The following EPS8 variants were observed in gnomAD, a reference collection of about 807,000 sequenced individuals.
The protein encoded by EPS8 is epidermal growth factor receptor kinase substrate 8.
EPS8 carries 42 observed loss-of-function variants against 103.8 expected under a neutral mutation model. The observed-to-expected ratio is 0.40, with a 90% CI of 0.32 to 0.52. The LOEUF (loss-of-function observed/expected upper bound fraction) is 0.52, where lower values mean the gene tolerates loss of function less well. Ranked by LOEUF, EPS8 falls within the 20% of genes least tolerant of loss-of-function variation. The probability of loss-of-function intolerance (pLI) is 0.40; values close to 1 mark genes in which losing one functional copy is unlikely to be tolerated. For synonymous variants in EPS8, 344 were observed against 344.6 expected, an observed-to-expected ratio of 1.00 and a Z score of 0.02; for missense variants, 969 against 1,005.1, an observed-to-expected ratio of 0.96 and a Z score of 0.49.
At position 15,693,287 on chromosome 12, in the gene EPS8, G is replaced by T. The variant is rs771168740; in HGVS notation, c.-21-10315C>A. Among the ~76,000 whole-genome samples the T allele has an allele frequency of 3.3e-5, 5 of 152,194 alleles. No individual in the cohort carries two copies. The highest frequency in any genetic ancestry group is 5.9e-5 in the Non-Finnish European group (4 of 68,036). ...TAAGTGGAAGAAGTCAGCCAGGGTT[G>T]TCTTACTGTTTACTAAGCATTTCAT... is the stretch of plus-strand genomic sequence containing the variant. On this transcript the variant is annotated intron_variant, in intron 1 of 20. Transcript: ENST00000281172. The surrounding 1 kb of genome is among the most constrained non-coding windows in gnomAD (Gnocchi z 5.6).
intron 1 of EPS8, among the ~76,000 whole-genome samples, chr12:15,708,966 C>G (rs1306148867): frequency 6.6e-6 from 1 of 152,224 alleles, no homozygotes; most frequent in Non-Finnish European, 1.5e-5. Context: ...GTTTCATCAG[C>G]TTTCCCTGCT....
rs1008509824 is a variant in EPS8, at chr12:15,757,581, G to C, written c.-22+31580C>G. On this transcript the variant is annotated intron_variant, in intron 1 of 20. Transcript: ENST00000281172. This position sits in a 1 kb window ranked among gnomAD's most constrained non-coding sequence, Gnocchi z 4.1. ...GGAGCCAGAAGTTGCAGTGAGTTGAGATCGCGCCACTGCACTCCAGCCTGG... is the reference window on the plus strand; with the variant it reads ...GGAGCCAGAAGTTGCAGTGAGTTGACATCGCGCCACTGCACTCCAGCCTGG... Among the ~76,000 whole-genome samples the C allele has an allele frequency of 6.6e-6, 1 of 151,848 alleles. No individual in the cohort carries two copies. Among genetic ancestry groups the C allele is most frequent in the African/African-American group, 2.4e-5 (1 of 41,302 alleles).
rs2135730507 is a variant in EPS8 at position 15,631,466 on chromosome 12, T to C, written c.2020A>G (p.Arg674Gly). The C allele has an allele frequency of 6.2e-7, 1 of 1,614,078 alleles. No homozygotes were observed. Among genetic ancestry groups the C allele is most frequent in the East Asian group, 2.2e-5 (1 of 44,880 alleles). Residue 674 changes from arginine (R) to glycine (G), a missense_variant, in exon 18 of 21, where the codon AGA becomes GGA. Physicochemically the swap from Arg to Gly is moderately radical, Grantham distance 125. Transcript: ENST00000281172. ...CGGTCCACCGGAAGTTGTTTGTGTCTCTGGCTGTCTCGCACGATACTGCCA... is the reference window on the plus strand; with the variant it reads ...CGGTCCACCGGAAGTTGTTTGTGTCCCTGGCTGTCTCGCACGATACTGCCA... ...SGGSIVRDSQ[R>G]HKQLPVDRRK...
chr12:15,709,982 A>C (rs1340971915), intron 1 of EPS8, among the ~76,000 whole-genome samples: 1 of 152,206 alleles, frequency 6.6e-6, no homozygotes, highest in African/African-American at 2.4e-5. Context: ...CTGATCTGAC[A>C]GGAGGCAGAG....
At position 15,713,109 on chromosome 12, in the gene EPS8, A is replaced by ATT; in HGVS notation, c.-21-30139_-21-30138dup. 4.5e-6 allele frequency: 2 copies of ATT among 447,648 alleles called. No homozygotes were observed. The highest frequency in any genetic ancestry group is 5.9e-6 in the Non-Finnish European group (2 of 339,150). The allele number at this position is 447,648 out of a possible 1,614,324, so 27.7% of individuals were successfully genotyped here. A position where few individuals can be genotyped will look rare whatever the true frequency, so the allele number is the denominator to read the frequency against. ...ACACTTCCAACTCTTGCCTAAGATGATTTTTTTTTTAAGTTTTAAATGGTG... is the reference window on the plus strand; with the variant it reads ...ACACTTCCAACTCTTGCCTAAGATGATTTTTTTTTTTTAAGTTTTAAATGGTG... On this transcript the variant is annotated intron_variant, in intron 1 of 20. Coordinates refer to ENST00000281172, the MANE Select transcript of EPS8 (RefSeq NM_004447.6). The surrounding 1 kb of genome is among the most constrained non-coding windows in gnomAD (Gnocchi z 4.8).
intron 15 of EPS8, among the ~76,000 whole-genome samples, chr12:15,646,081 C>T (rs557394035): frequency 4.9e-4 from 75 of 152,244 alleles, no homozygotes; most frequent in African/African-American, 1.7e-3. Flanking sequence ...TCAACTGTAT[C>T]TACTGAAAAT....
chr12:15,765,392 C>T (rs777087464), intron 1 of EPS8, among the ~76,000 whole-genome samples: 5 of 152,056 alleles, frequency 3.3e-5, no homozygotes, highest in Non-Finnish European at 5.9e-5. Context: ...CTTTTACATG[C>T]TACTCCAACA....
At chr12:15,782,337 A>G (rs866730688) in intron 1 of EPS8, among the ~76,000 whole-genome samples, 1 of 152,040 alleles carries the variant, frequency 6.6e-6, no homozygotes, top group South Asian at 2.1e-4. Flanking sequence ...TGCAAAAAAT[A>G]AAAATAAAAA....
At chr12:15,647,307 G>A (rs1321470921) in intron 14 of EPS8, 47 bp from the exon 15 acceptor site, 2 of 1,555,266 alleles carry the variant, frequency 1.3e-6, no homozygotes, top group Admixed American at 3.6e-5. Context: ...AATACTATTT[G>A]AATCAGCACT....
Position 15,777,578 on chromosome 12 carries a change from A to G in EPS8, c.-22+11583T>C, listed in dbSNP as rs1220177429. Among the ~76,000 whole-genome samples the G allele has an allele frequency of 6.6e-6, 1 of 152,200 alleles. No homozygotes were observed. The highest frequency in any genetic ancestry group is 2.4e-5 in the African/African-American group (1 of 41,444). On this transcript the variant is annotated intron_variant, in intron 1 of 20. Transcript: ENST00000281172. This position sits in a 1 kb window ranked among gnomAD's most constrained non-coding sequence, Gnocchi z 4.7. Reference sequence around the variant, plus strand: ...GCCTAAACTTAACCTTCACTGTCATAACCACTATGAATGTCTCTTTTATTC... The same window carrying G: ...GCCTAAACTTAACCTTCACTGTCATGACCACTATGAATGTCTCTTTTATTC...
At chr12:15,672,959 T>C (rs1002302482) in intron 3 of EPS8, among the ~76,000 whole-genome samples, 3 of 152,318 alleles carry the variant, frequency 2.0e-5, no homozygotes, top group Non-Finnish European at 4.4e-5. Flanking sequence ...AGGTAATTTA[T>C]TGGCAAATAC....
Position 15,784,332 on chromosome 12 carries a change from C to G in EPS8, c.-22+4829G>C, listed in dbSNP as rs1947288799. ...CCCCATTAAAAAGTGGGCAAATGAT[C>G]TGAACAGCCATCACACCACAGAAGA... On this transcript the variant is annotated intron_variant, in intron 1 of 20. Coordinates refer to ENST00000281172, the MANE Select transcript of EPS8 (RefSeq NM_004447.6). The surrounding 1 kb of genome is among the most constrained non-coding windows in gnomAD (Gnocchi z 4.0). Among the ~76,000 whole-genome samples, 2 of 152,112 alleles carry G rather than the reference C, an allele frequency of 1.3e-5. No individual in the cohort carries two copies. Among genetic ancestry groups the G allele is most frequent in the African/African-American group, 4.8e-5 (2 of 41,438 alleles).
rs2135965389 is a variant in EPS8 at position 15,714,501 on chromosome 12, G to A, written c.-21-31529C>T. Among the ~76,000 whole-genome samples the A allele has an allele frequency of 6.6e-6, 1 of 152,170 alleles. No homozygotes were observed. Among genetic ancestry groups the A allele is most frequent in the Admixed American group, 6.5e-5 (1 of 15,294 alleles). On this transcript the variant is annotated intron_variant, in intron 1 of 20. Transcript: ENST00000281172. The surrounding 1 kb of genome is among the most constrained non-coding windows in gnomAD (Gnocchi z 4.1). ...CACAAAAAATTCAGCAATCAGCCAAGCATGGTGGTACACACCAGCAGTCCT... is the reference window on the plus strand; with the variant it reads ...CACAAAAAATTCAGCAATCAGCCAAACATGGTGGTACACACCAGCAGTCCT...
In EPS8 at chr12:15,752,364, G is replaced by A. The variant is rs796814980; in HGVS notation, c.-22+36797C>T. On this transcript the variant is annotated intron_variant, in intron 1 of 20. Coordinates refer to ENST00000281172, the MANE Select transcript of EPS8 (RefSeq NM_004447.6). The surrounding 1 kb of genome is among the most constrained non-coding windows in gnomAD (Gnocchi z 4.4). ...AGGGAGGCTAAGGCAGGAGAATGGC[G>A]TGAACCCGCGAGGCGGAGCTTGCAG... Among the ~76,000 whole-genome samples the A allele has an allele frequency of 1.2e-4, 18 of 151,986 alleles. No individual in the cohort carries two copies. Among genetic ancestry groups the A allele is most frequent in the African/African-American group, 2.9e-4 (12 of 41,446 alleles).
chr12:15,777,181 AT>A lies in EPS8; in HGVS notation c.-22+11979del, dbSNP rs566411221. On this transcript the variant is annotated intron_variant, in intron 1 of 20. Coordinates refer to ENST00000281172, the MANE Select transcript of EPS8 (RefSeq NM_004447.6). The surrounding 1 kb of genome is among the most constrained non-coding windows in gnomAD (Gnocchi z 4.7). ...CAATGCCATGGAGTAGCCTATATAA[AT>A]TTTTTTTTTACATTATATAACTCAA... Among the ~76,000 whole-genome samples, 904 of 150,410 alleles carry A rather than the reference AT, an allele frequency of 6.0e-3. 8 individuals are homozygous for A. Among genetic ancestry groups the A allele is most frequent in the African/African-American group, 0.02 (829 of 41,026 alleles).
At chr12:15,691,212 T>C (rs141672760) in intron 1 of EPS8, among the ~76,000 whole-genome samples, 8 of 149,350 alleles carry the variant, frequency 5.4e-5, no homozygotes, top group South Asian at 4.3e-4. Flanking sequence ...ATCTAGAGGA[T>C]AAAATCTCCC....
At chr12:15,786,716 T>C (rs1947315175) in intron 1 of EPS8, among the ~76,000 whole-genome samples, 1 of 152,074 alleles carries the variant, frequency 6.6e-6, no homozygotes, top group African/African-American at 2.4e-5. Flanking sequence ...ACTGAAAAGG[T>C]TGTAGTGAAG....
chr12:15,659,618 G>A (rs963305725), intron 10 of EPS8, among the ~76,000 whole-genome samples: 5 of 152,154 alleles, frequency 3.3e-5, no homozygotes, highest in Admixed American at 2.6e-4. Context: ...ACATGCAGAA[G>A]ATAAAGCCAA....
chr12:15,765,500 CAGAA>C (rs1446997665), intron 1 of EPS8, among the ~76,000 whole-genome samples: 2 of 151,788 alleles, frequency 1.3e-5, no homozygotes, highest in East Asian at 3.9e-4. Context: ...CAGATGCACC[CAGAA>C]AGAGAGAAGA....
Sources: gnomAD v4.1 joint callset for allele counts (sites outside exome capture counted in the v4.1 genomes callset) on GRCh38, gnomAD v4.1.1 for gene constraint, Gnocchi (gnomAD v3.1) non-coding constraint, MANE v1.5 for transcripts, NCBI Gene and HGNC (gene_info 2026-07-23, HGNC 2026-07-21) for gene names.